Variants in ABCA13 observed in about 807,000 individuals in gnomAD.
ABCA13 encodes ATP binding cassette subfamily A member 13, also known as ATP-binding cassette sub-family A member 13.
In ABCA13, 476 loss-of-function variants were observed where a neutral mutation model predicts 478.7. The ratio of observed to expected loss-of-function variants is 0.99; its 90% CI spans 0.92 to 1.07. The LOEUF (loss-of-function observed/expected upper bound fraction) is 1.07, where lower values mean the gene tolerates loss of function less well. Among genes scored for constraint, ABCA13 ranks in the 50% least tolerant of loss-of-function variants. ABCA13 has a pLI of 0.00. For missense variants in ABCA13, 6,060 were observed against 5,910.6 expected, an observed-to-expected ratio of 1.03 and a Z score of -0.83; for synonymous variants, 2,252 against 2,158.9, an observed-to-expected ratio of 1.04 and a Z score of -1.20.
Position 48,556,214 on chromosome 7 carries a change from T to A in ABCA13, c.14355-24010T>A, listed in dbSNP as rs1785809607. ...TTTGAATCTTTTAAGATTTGTTTTG[T>A]GATCTCATGTATGTTCTTTCCTTGA... On this transcript the variant is annotated intron_variant, in intron 55 of 61. Coordinates refer to ENST00000435803, the MANE Select transcript of ABCA13 (RefSeq NM_152701.5). Among the ~76,000 whole-genome samples the A allele has an allele frequency of 3.9e-5, 6 of 152,088 alleles. No homozygotes were observed. The South Asian group carries it at 1.2e-3, about 32-fold the overall frequency.
intron 48 of ABCA13, among the ~76,000 whole-genome samples, chr7:48,490,708 G>A (rs916792079): frequency 1.1e-4 from 17 of 152,176 alleles, no homozygotes; most frequent in African/African-American, 4.1e-4. Context: ...GAATGTAGAG[G>A]GATAATTGTT....
chr7:48,460,965 C>T (rs949283139), intron 43 of ABCA13, among the ~76,000 whole-genome samples: 3 of 152,198 alleles, frequency 2.0e-5, no homozygotes, highest in Non-Finnish European at 4.4e-5. Context: ...TTATATTCTT[C>T]TCCTCATATA....
intron 55 of ABCA13, among the ~76,000 whole-genome samples, chr7:48,551,106 C>T (rs1271401871): frequency 6.6e-6 from 1 of 151,084 alleles, no homozygotes; most frequent in Non-Finnish European, 1.5e-5. Flanking sequence ...TGCATTGTTT[C>T]AGCTACCTGA....
In ABCA13 at chr7:48,355,121, C is replaced by G. The variant is rs141168228; in HGVS notation, c.10688+2634C>G. On this transcript the variant is annotated intron_variant, in intron 31 of 61. Transcript: ENST00000435803. The stretch of plus-strand genomic sequence containing the variant: ...CAGGGAAGCAGAGGTGCCACAAATA[C>G]AATTAAGAAGACAATTGCATTGAAT... 6.0e-3 allele frequency among the ~76,000 whole-genome samples: 904 copies of G among 150,620 alleles called. 29 individuals are homozygous for G. Among genetic ancestry groups the G allele is most frequent in the African/African-American group, 0.021 (866 of 41,056 alleles).
At chr7:48,511,932 G>A (rs969060923) in intron 51 of ABCA13, among the ~76,000 whole-genome samples, 3 of 152,118 alleles carry the variant, frequency 2.0e-5, no homozygotes, top group Non-Finnish European at 4.4e-5. Context: ...TTTACAGTTT[G>A]TATTTATATA....
intron 50 of ABCA13, among the ~76,000 whole-genome samples, chr7:48,508,261 G>T (rs1466747506): frequency 1.3e-5 from 2 of 152,154 alleles, no homozygotes; most frequent in Non-Finnish European, 2.9e-5. Flanking sequence ...GCTTCAGGCT[G>T]GAGAACTGGG....
At chr7:48,327,626 T>C (rs1284638388) in intron 27 of ABCA13, among the ~76,000 whole-genome samples, 1 of 152,236 alleles carries the variant, frequency 6.6e-6, no homozygotes, top group African/African-American at 2.4e-5. Context: ...GTTTATTAGA[T>C]GATAAACAGA....
chr7:48,204,564 T>A (rs1015262539), intron 3 of ABCA13, among the ~76,000 whole-genome samples: 7 of 152,176 alleles, frequency 4.6e-5, no homozygotes, highest in African/African-American at 1.7e-4. Flanking sequence ...AGCATTAGAT[T>A]CGCCAGGGAG....
At chr7:48,373,544 T>C (rs1812992597) in intron 33 of ABCA13, among the ~76,000 whole-genome samples, 2 of 152,240 alleles carry the variant, frequency 1.3e-5, no homozygotes, top group African/African-American at 4.8e-5. Flanking sequence ...TATGTGTTCA[T>C]TGGTCTTGAT....
intron 20 of ABCA13, among the ~76,000 whole-genome samples, chr7:48,290,993 G>C (rs1205839064): frequency 6.8e-6 from 1 of 147,970 alleles, no homozygotes; most frequent in African/African-American, 2.5e-5. Context: ...AAAGCAGAGT[G>C]TGAAAGTCCA....
intron 5 of ABCA13, among the ~76,000 whole-genome samples, chr7:48,226,102 C>G (rs77834987): frequency 1.3e-5 from 2 of 152,004 alleles, no homozygotes; most frequent in East Asian, 3.9e-4. Context: ...GGTTGGTCAT[C>G]GAAGAGTGAG....
chr7:48,534,681 C>T (rs546110938), intron 55 of ABCA13, among the ~76,000 whole-genome samples: 2 of 152,138 alleles, frequency 1.3e-5, no homozygotes, highest in Non-Finnish European at 2.9e-5. Context: ...TCCCAAACTT[C>T]TTGGAGGCTT....
intron 3 of ABCA13, among the ~76,000 whole-genome samples, chr7:48,214,438 T>C (rs1786136150): frequency 6.6e-6 from 1 of 152,188 alleles, no homozygotes; most frequent in African/African-American, 2.4e-5. Context: ...AGCCTGTCCT[T>C]TGAGACTTTG....
At chr7:48,510,033 G>C (rs1831539612) in intron 50 of ABCA13, among the ~76,000 whole-genome samples, 1 of 152,178 alleles carries the variant, frequency 6.6e-6, no homozygotes. Context: ...AAGATACTTG[G>C]TCTGTGTTAT....
At chr7:48,582,359 T>C (rs1788785313) in intron 56 of ABCA13, among the ~76,000 whole-genome samples, 1 of 152,174 alleles carries the variant, frequency 6.6e-6, no homozygotes, top group African/African-American at 2.4e-5. Flanking sequence ...GTGGAAACTG[T>C]GTGGGGTTAG....
intron 41 of ABCA13, among the ~76,000 whole-genome samples, chr7:48,417,724 G>A (rs1465095660): frequency 6.6e-6 from 1 of 152,072 alleles, no homozygotes; most frequent in Non-Finnish European, 1.5e-5. Context: ...TCTTGCTGTT[G>A]TACATTCCAT....
At position 48,344,394 on chromosome 7, in the gene ABCA13, G is replaced by A. The variant is rs563254426; in HGVS notation, c.10204+5939G>A. ...GAAAACAAATTTCAGGAGGAGACAC[G>A]TTGGAATGTCAAATCCTCTGGTCTG... On this transcript the variant is annotated intron_variant, in intron 29 of 61. Transcript: ENST00000435803. Among the ~76,000 whole-genome samples the A allele has an allele frequency of 2.5e-4, 38 of 152,320 alleles. No individual in the cohort carries two copies. The South Asian group carries it at 7.0e-3, about 28-fold the overall frequency.
At chr7:48,580,563 A>G (rs1788611804) in intron 56 of ABCA13, among the ~76,000 whole-genome samples, 189 bp downstream of exon 56, 1 of 152,192 alleles carries the variant, frequency 6.6e-6, no homozygotes, top group Admixed American at 6.5e-5. Context: ...CTTATTTTAC[A>G]TTATATATTT....
intron 47 of ABCA13, among the ~76,000 whole-genome samples, chr7:48,486,612 G>A (rs768996872): frequency 1.5e-4 from 23 of 152,124 alleles, no homozygotes; most frequent in Admixed American, 8.5e-4. Context: ...CCCCATTCCA[G>A]TGTAAATCAC....
Sources: gnomAD v4.1 joint callset for allele counts (sites outside exome capture counted in the v4.1 genomes callset) on GRCh38, gnomAD v4.1.1 for gene constraint, MANE v1.5 for transcripts, NCBI Gene and HGNC (gene_info 2026-07-23, HGNC 2026-07-21) for gene names.